PLD5: variants seen among roughly 807,000 people sequenced by gnomAD.
PLD5 encodes the protein inactive phospholipase D5.
In PLD5, 36 loss-of-function variants were observed where a neutral mutation model predicts 61.1. That is an observed-to-expected ratio of 0.59 (90% CI 0.45 to 0.78). PLD5 has a LOEUF of 0.78. PLD5 is among the 30% of genes least tolerant of loss of function. PLD5 has a pLI of 0.00. For missense variants in PLD5, 515 were observed against 644.4 expected (o/e 0.80, Z 2.17); for synonymous variants, 243 against 242.8 (o/e 1.00, Z -0.01).
chr1:242,124,545 T>C lies in PLD5; in HGVS notation c.856A>G (p.Arg286Gly). 6.2e-7 allele frequency: 1 copy of C among 1,614,138 alleles called. No individual in the cohort carries two copies. The change falls in exon 6 of 10, where the codon AGA becomes GGA. Residue 286 changes from arginine to glycine, a missense_variant. Physicochemically the swap from Arg to Gly is moderately radical, Grantham distance 125. Around this residue, in one of 2 missense-constraint regions of PLD5, gnomAD observed 450 missense variants for 598.1 expected, o/e 0.75. Transcript: ENST00000536534. ...TCATTGTCATAGACTCCATAGAGTC[T>C]TTTGGACCAGGTTTGAGGCACTCTG... ...KSRVPQTWSK[R>G]LYGVYDNEKK...
intron 5 of PLD5, among the ~76,000 whole-genome samples, chr1:242,201,572 AGTGCCATG>A (rs1668989912): frequency 1.3e-5 from 2 of 152,132 alleles, no homozygotes; most frequent in Admixed American, 1.3e-4. Context: ...CCCAGGCTAG[AGTGCCATG>A]GTGCCATCAA....
intron 2 of PLD5, among the ~76,000 whole-genome samples, chr1:242,301,800 G>A (rs1199758393): frequency 2.9e-5 from 1 of 34,992 alleles, no homozygotes; most frequent in African/African-American, 8.7e-5. Flanking sequence ...ATTAGAGACA[G>A]AATCTTGGCT....
intron 5 of PLD5, among the ~76,000 whole-genome samples, chr1:242,195,268 G>A (rs1306904107): frequency 2.0e-5 from 3 of 152,164 alleles, no homozygotes; most frequent in Admixed American, 6.5e-5. Context: ...CATCTGGAGC[G>A]CTTTTGCTGC....
chr1:242,485,461 A>G (rs1667927482), intron 1 of PLD5, among the ~76,000 whole-genome samples: 1 of 152,208 alleles, frequency 6.6e-6, no homozygotes, highest in Non-Finnish European at 1.5e-5. Context: ...ACTCTCATCC[A>G]CAATTTCTTC....
intron 2 of PLD5, among the ~76,000 whole-genome samples, chr1:242,334,966 T>A (rs1464741556): frequency 6.6e-6 from 1 of 152,210 alleles, no homozygotes; most frequent in Non-Finnish European, 1.5e-5. Context: ...CAAATTTGCA[T>A]CCCTATTTCT....
chr1:242,326,987 T>C (rs562373265), intron 2 of PLD5, among the ~76,000 whole-genome samples: 172 of 152,016 alleles, frequency 1.1e-3, no homozygotes, highest in African/African-American at 4.0e-3. Context: ...TGCCTCAGCC[T>C]CCTGAGTAGC....
chr1:242,134,480 G>A (rs1418282354), intron 5 of PLD5, among the ~76,000 whole-genome samples: 2 of 152,008 alleles, frequency 1.3e-5, no homozygotes, highest in South Asian at 2.1e-4. Flanking sequence ...ATCAAATAAT[G>A]GGAGGCATGG....
chr1:242,297,918 C>T (rs1431853932), intron 2 of PLD5, among the ~76,000 whole-genome samples: 19 of 152,080 alleles, frequency 1.2e-4, no homozygotes, highest in Non-Finnish European at 5.9e-5. Flanking sequence ...GGATTACAGG[C>T]GTGAGCCACC....
chr1:242,417,711 T>A (rs984514204), intron 1 of PLD5, among the ~76,000 whole-genome samples: 7 of 152,226 alleles, frequency 4.6e-5, no homozygotes, highest in African/African-American at 1.7e-4. Context: ...CTTGCTTCCC[T>A]GCATCAATAG....
intron 1 of PLD5, among the ~76,000 whole-genome samples, chr1:242,475,265 T>C (rs1348386631): frequency 6.6e-6 from 1 of 151,642 alleles, no homozygotes; most frequent in East Asian, 1.9e-4. Context: ...CTACTAAAAA[T>C]ACAAAAAATT....
chr1:242,207,762 ATTTATATATATTTATATATATT>A (rs1432000337), intron 5 of PLD5, among the ~76,000 whole-genome samples: 7 of 77,176 alleles, frequency 9.1e-5, no homozygotes, highest in East Asian at 2.9e-4. Context: ...ATATATTTAT[ATTTATATATATTTATATATATT>A]TATATTTATA....
At chr1:242,330,289 G>A (rs1336099681) in intron 2 of PLD5, among the ~76,000 whole-genome samples, 4 of 152,194 alleles carry the variant, frequency 2.6e-5, no homozygotes, top group Non-Finnish European at 4.4e-5. Flanking sequence ...TAAGCCTGGT[G>A]TGTGTGACCT....
At chr1:242,192,002 A>T (rs1174630669) in intron 5 of PLD5, among the ~76,000 whole-genome samples, 1 of 152,230 alleles carries the variant, frequency 6.6e-6, no homozygotes, top group Admixed American at 6.5e-5. Flanking sequence ...GGCAGACAGC[A>T]GATGCGTAAC....
chr1:242,318,414 C>T (rs1658158423), intron 2 of PLD5, among the ~76,000 whole-genome samples: 1 of 152,178 alleles, frequency 6.6e-6, no homozygotes, highest in South Asian at 2.1e-4. Flanking sequence ...ACTACCAGAA[C>T]CTGGACACTC....
At chr1:242,498,941 C>T (rs921843633) in intron 1 of PLD5, among the ~76,000 whole-genome samples, 6 of 152,154 alleles carry the variant, frequency 3.9e-5, no homozygotes, top group Non-Finnish European at 5.9e-5. Flanking sequence ...AAATTCATTA[C>T]AGAAAATACT....
chr1:242,528,839 A>G (rs915412933), upstream of PLD5, among the ~76,000 whole-genome samples: 37 of 152,350 alleles, frequency 2.4e-4, no homozygotes, highest in African/African-American at 8.7e-4. Flanking sequence ...AATCTCAAAT[A>G]TATACTTCTT....
chr1:242,366,759 G>A (rs1661365277), intron 1 of PLD5, among the ~76,000 whole-genome samples: 1 of 151,824 alleles, frequency 6.6e-6, no homozygotes, highest in Non-Finnish European at 1.5e-5. Flanking sequence ...TTGAGTTCTA[G>A]GATCTTGCCT....
rs146027845 is a variant in PLD5 at position 242,202,260 on chromosome 1, G to A, written c.735+17728C>T. On this transcript the variant is annotated intron_variant, in intron 5 of 9. Transcript: ENST00000536534. ...AACAAACAAACAAACAAAAAATATG[G>A]TGTGTGGCCAGGTCCTTGGGTGTGT... is the stretch of plus-strand genomic sequence containing the variant. Among the ~76,000 whole-genome samples, 245 of 152,108 alleles carry A rather than the reference G, an allele frequency of 1.6e-3. 4 individuals are homozygous for A. Among genetic ancestry groups the A allele is most frequent in the African/African-American group, 4.9e-3 (205 of 41,520 alleles).
rs867388709 is a variant in PLD5, at chr1:242,510,901, A to G, written c.189+13187T>C. On this transcript the variant is annotated intron_variant, in intron 1 of 9. Transcript: ENST00000536534. ...CATCTTTACAAAAACATCTGTATTG[A>G]GATTTTACCAGATATATTAAATGAC... is the stretch of plus-strand genomic sequence containing the variant. 2.0e-5 allele frequency among the ~76,000 whole-genome samples: 3 copies of G among 152,260 alleles called. No homozygotes were observed. The Middle Eastern group carries it at 0.01, about 518-fold the overall frequency.
Sources: allele counts gnomAD v4.1 joint callset (sites outside exome capture counted in the v4.1 genomes callset), GRCh38; gene constraint gnomAD v4.1.1; regional missense constraint gnomAD v4.1.1; transcripts MANE v1.5; gene names NCBI Gene and HGNC (gene_info 2026-07-23, HGNC 2026-07-21).